Variants in EYA4 observed in about 807,000 individuals in gnomAD.
EYA4 encodes EYA transcriptional coactivator and phosphatase 4.
In EYA4, 31 loss-of-function variants were observed where a neutral mutation model predicts 87.9. The observed-to-expected ratio is 0.35, with a 90% CI of 0.27 to 0.48. The LOEUF (loss-of-function observed/expected upper bound fraction) is 0.48. EYA4 is among the 20% of genes least tolerant of loss of function. The pLI is 0.99. For synonymous variants in EYA4, 263 were observed against 270.6 expected, an observed-to-expected ratio of 0.97 and a Z score of 0.28; for missense variants, 678 against 761.4, an observed-to-expected ratio of 0.89 and a Z score of 1.29.
chr6:133,400,285 G>A (rs159424), intron 3 of EYA4, among the ~76,000 whole-genome samples: 92,598 of 151,940 alleles, frequency 0.61, 31,612 homozygotes, highest in Non-Finnish European at 0.75. Flanking sequence ...CAAGGTGGGC[G>A]GATCAAGAGG....
chr6:133,336,569 A>C (rs927519338), intron 2 of EYA4, among the ~76,000 whole-genome samples: 12 of 152,372 alleles, frequency 7.9e-5, no homozygotes, highest in African/African-American at 2.9e-4. Context: ...GATTAAAGAC[A>C]TGCAACAGCC....
At chr6:133,319,471 A>G (rs1022574574) in intron 2 of EYA4, among the ~76,000 whole-genome samples, 3 of 148,034 alleles carry the variant, frequency 2.0e-5, no homozygotes, top group African/African-American at 7.4e-5. Context: ...CATAATTATT[A>G]CATCTTGGTG....
chr6:133,505,812 TC>T (rs1259410820), intron 13 of EYA4, among the ~76,000 whole-genome samples: 2 of 152,146 alleles, frequency 1.3e-5, no homozygotes, highest in African/African-American at 4.8e-5. Flanking sequence ...GTAAACTGGG[TC>T]ATATGAACTA....
intron 1 of EYA4, among the ~76,000 whole-genome samples, chr6:133,251,570 G>C (rs760167199): frequency 6.6e-6 from 1 of 152,126 alleles, no homozygotes; most frequent in Non-Finnish European, 1.5e-5. Flanking sequence ...AAATGATAAC[G>C]TTGTACCTGA....
At chr6:133,382,073 G>A (rs1180493064) in intron 2 of EYA4, among the ~76,000 whole-genome samples, 1 of 152,142 alleles carries the variant, frequency 6.6e-6, no homozygotes, top group Non-Finnish European at 1.5e-5. Context: ...ACATTTCTTA[G>A]TGGATTGAGA....
chr6:133,424,829 T>C (rs1348808632), intron 3 of EYA4, among the ~76,000 whole-genome samples: 16 of 150,800 alleles, frequency 1.1e-4, no homozygotes, highest in Non-Finnish European at 5.9e-5. Context: ...TACAGTGGCA[T>C]CCAGGGAGCT....
At chr6:133,483,710 ATT>A (rs1179127921) in intron 13 of EYA4, among the ~76,000 whole-genome samples, 1 of 104,218 alleles carries the variant, frequency 9.6e-6, no homozygotes, top group African/African-American at 3.7e-5. Flanking sequence ...TATTATTATT[ATT>A]ATTATTATTA....
At chr6:133,310,037 T>C (rs1381776614) in intron 2 of EYA4, among the ~76,000 whole-genome samples, 1 of 152,192 alleles carries the variant, frequency 6.6e-6, no homozygotes, top group Non-Finnish European at 1.5e-5. Context: ...TTATGTGATG[T>C]TGTGAGGGAG....
chr6:133,241,489 C>T lies in EYA4; in HGVS notation c.-326C>T, dbSNP rs117602794. On this transcript the variant is annotated 5_prime_UTR_variant, in exon 1 of 20. Coordinates refer to ENST00000355286, the MANE Select transcript of EYA4 (RefSeq NM_004100.5). ...CATTTTCTTTTCTTCTCCTTTCCCC[C>T]CTGTCGCAGTCCGGAGTTTTGGCTC... 6.6e-6 allele frequency: 1 copy of T among 152,248 alleles called. No individual in the cohort carries two copies. The highest frequency in any genetic ancestry group is 2.4e-5 in the African/African-American group (1 of 41,438). 9.4% of individuals were successfully genotyped at this position (152,248 alleles called of 1,614,324 possible). A position where few individuals can be genotyped will look rare whatever the true frequency, so the allele number is the denominator to read the frequency against.
intron 2 of EYA4, among the ~76,000 whole-genome samples, chr6:133,379,890 G>GT (rs1405297801): frequency 6.6e-6 from 1 of 151,982 alleles, no homozygotes; most frequent in Non-Finnish European, 1.5e-5. Flanking sequence ...TACCCAGTTT[G>GT]TTTTTTTACA....
At chr6:133,428,175 T>C (rs1790842008) in intron 3 of EYA4, among the ~76,000 whole-genome samples, 1 of 152,196 alleles carries the variant, frequency 6.6e-6, no homozygotes, top group African/African-American at 2.4e-5. Flanking sequence ...CCTGTGGAGA[T>C]AACCAGTATA....
At chr6:133,315,189 A>T (rs1780531069) in intron 2 of EYA4, among the ~76,000 whole-genome samples, 1 of 152,134 alleles carries the variant, frequency 6.6e-6, no homozygotes, top group Admixed American at 6.6e-5. Flanking sequence ...AGGCCACTAA[A>T]TCACTCTTGG....
intron 2 of EYA4, among the ~76,000 whole-genome samples, chr6:133,293,650 A>AT (rs766535806): frequency 6.6e-6 from 1 of 152,086 alleles, no homozygotes; most frequent in Non-Finnish European, 1.5e-5. Flanking sequence ...CTTTATAAAT[A>AT]TAACAGTTAG....
In EYA4 at chr6:133,531,279, A is replaced by C. The variant is rs201389132; in HGVS notation, c.*2474A>C. 7.4e-7 allele frequency: 1 copy of C among 1,359,722 alleles called. No individual in the cohort carries two copies. Among genetic ancestry groups the C allele is most frequent in the East Asian group, 2.5e-5 (1 of 40,062 alleles). The allele number at this position is 1,359,722 out of a possible 1,614,324, so 84.2% of individuals were successfully genotyped here. On this transcript the variant is annotated 3_prime_UTR_variant, in exon 20 of 20. Coordinates refer to ENST00000355286, the MANE Select transcript of EYA4 (RefSeq NM_004100.5). ...AGCTTGTCTGGCACAACAATGGTGC[A>C]GGCCCACGAGCCAGCATCACAGCTT...
chr6:133,508,791 G>A (rs1366849468), intron 14 of EYA4, among the ~76,000 whole-genome samples: 2 of 152,146 alleles, frequency 1.3e-5, no homozygotes, highest in Admixed American at 6.5e-5. Context: ...ATTTATTTTA[G>A]TTCAGGTACT....
chr6:133,383,978 A>T (rs1786481472), intron 3 of EYA4, among the ~76,000 whole-genome samples: 1 of 152,166 alleles, frequency 6.6e-6, no homozygotes, highest in Admixed American at 6.5e-5. Context: ...TAAGGATGAT[A>T]TATGTAATTA....
intron 1 of EYA4, among the ~76,000 whole-genome samples, chr6:133,266,010 A>G (rs1039831749): frequency 2.6e-5 from 4 of 152,206 alleles, no homozygotes; most frequent in Admixed American, 2.6e-4. Flanking sequence ...TATTACATTC[A>G]TACTTTGATG....
intron 1 of EYA4, among the ~76,000 whole-genome samples, chr6:133,265,782 T>TC (rs1344820785): frequency 2.0e-5 from 3 of 152,180 alleles, no homozygotes; most frequent in African/African-American, 7.2e-5. Flanking sequence ...TGTAAATAAC[T>TC]CCCCAACAGT....
chr6:133,517,383 G>T (rs990416772), intron 17 of EYA4, among the ~76,000 whole-genome samples: 2 of 151,630 alleles, frequency 1.3e-5, no homozygotes, highest in African/African-American at 2.4e-5. Context: ...AATAAAAGTT[G>T]GAAAAGAAAA....
Sources: gnomAD v4.1 joint callset for allele counts (sites outside exome capture counted in the v4.1 genomes callset) on GRCh38, gnomAD v4.1.1 for gene constraint, MANE v1.5 for transcripts, NCBI Gene and HGNC (gene_info 2026-07-23, HGNC 2026-07-21) for gene names.